LYST: variants seen among roughly 807,000 people sequenced by gnomAD.
LYST encodes lysosomal-trafficking regulator.
In LYST, 192 loss-of-function variants were observed where a neutral mutation model predicts 413.6. The ratio of observed to expected loss-of-function variants is 0.46; its 90% CI spans 0.41 to 0.52. The LOEUF (loss-of-function observed/expected upper bound fraction) is 0.52, where lower values mean the gene tolerates loss of function less well. Ranked by LOEUF, LYST falls within the 20% of genes least tolerant of loss-of-function variation. LYST has a pLI of 0.00. For synonymous variants in LYST, 1,525 were observed against 1,567.3 expected (o/e 0.97, Z 0.64); for missense variants, 3,815 against 4,499.9 (o/e 0.85, Z 4.35).
intron 28 of LYST, among the ~76,000 whole-genome samples, chr1:235,747,853 T>C (rs1428453161): frequency 6.6e-6 from 1 of 152,196 alleles, no homozygotes; most frequent in African/African-American, 2.4e-5. Flanking sequence ...ATGCATAAGA[T>C]GTGGATTAGA....
At chr1:235,761,980 G>A (rs954346537) in intron 22 of LYST, among the ~76,000 whole-genome samples, 1 of 123,652 alleles carries the variant, frequency 8.1e-6, no homozygotes, top group Admixed American at 9.3e-5. Context: ...TTGTCGGGTG[G>A]GGGGAGGGGG....
At chr1:235,688,867 C>T (rs961927761) in intron 47 of LYST, among the ~76,000 whole-genome samples, 5 of 151,880 alleles carry the variant, frequency 3.3e-5, no homozygotes, top group African/African-American at 4.8e-5. Flanking sequence ...CACCTGTAGT[C>T]CCAGGTACTA....
intron 8 of LYST, among the ~76,000 whole-genome samples, chr1:235,801,971 G>A (rs1165511836): frequency 6.6e-6 from 1 of 151,986 alleles, no homozygotes; most frequent in African/African-American, 2.4e-5. Context: ...CGAGGCGGGT[G>A]GATCACGAAG....
intron 3 of LYST, chr1:235,829,827 C>T: frequency 5.7e-6 from 1 of 175,302 alleles, no homozygotes; most frequent in East Asian, 1.6e-4. Context: ...GCTTTCACTC[C>T]AGAATTAGCA....
intron 10 of LYST, among the ~76,000 whole-genome samples, chr1:235,795,846 T>C (rs980738565): frequency 1.3e-5 from 2 of 151,868 alleles, no homozygotes; most frequent in Non-Finnish European, 2.9e-5. Flanking sequence ...CAGACAAAAC[T>C]GACCCCAGAG....
chr1:235,827,340 G>A, intron 3 of LYST: 1 of 698,236 alleles, frequency 1.4e-6, no homozygotes, highest in African/African-American at 1.9e-5. Context: ...CTGCAGTCCA[G>A]CCTGGGTGAA....
chr1:235,680,180 G>A (rs1174172266), intron 48 of LYST, among the ~76,000 whole-genome samples: 1 of 152,006 alleles, frequency 6.6e-6, no homozygotes, highest in Non-Finnish European at 1.5e-5. Flanking sequence ...TCGTTTCAGG[G>A]GAGGATTATT....
intron 12 of LYST, among the ~76,000 whole-genome samples, chr1:235,789,361 A>G (rs1670763557): frequency 1.3e-5 from 2 of 152,190 alleles, no homozygotes; most frequent in Admixed American, 1.3e-4. Context: ...TTTGCATATA[A>G]TTGCTAAGTG....
chr1:235,806,454 A>G lies in LYST; in HGVS notation c.2682T>C (p.His894=). The stretch of plus-strand genomic sequence containing the variant: ...AGAGGAATAGGTTTATTGTGTTGAT[A>G]TGAACATCTTGGTTAACAGTCTTCC... ...KRRKTVNQDV[H]INTINLFLCV... is the part of the protein sequence containing the mutation. The change falls in exon 6 of 53, where the codon CAT becomes CAC. Residue 894 remains histidine (H), a synonymous_variant. Transcript: ENST00000389793. 1 of 1,614,114 alleles carries G rather than the reference A, an allele frequency of 6.2e-7. No homozygotes were observed.
At chr1:235,766,340 AT>A in intron 20 of LYST, 63 bp from the exon 21 acceptor site, 1 of 1,209,468 alleles carries the variant, frequency 8.3e-7, no homozygotes. Flanking sequence ...AAGATTTTTC[AT>A]TTAGGCAAAA....
At chr1:235,874,790 T>A (rs1201813820) in intron 1 of LYST, among the ~76,000 whole-genome samples, 1 of 152,216 alleles carries the variant, frequency 6.6e-6, no homozygotes, top group Admixed American at 6.5e-5. Flanking sequence ...GATTGGTCCC[T>A]GAAAGGGTTT....
intron 28 of LYST, among the ~76,000 whole-genome samples, chr1:235,748,535 A>G (rs561370663): frequency 6.6e-6 from 1 of 152,324 alleles, no homozygotes; most frequent in South Asian, 2.1e-4. Flanking sequence ...AAATCAATTT[A>G]TAAACAGTAG....
intron 50 of LYST, among the ~76,000 whole-genome samples, chr1:235,673,980 G>C (rs1659174953): frequency 6.6e-6 from 1 of 152,108 alleles, no homozygotes; most frequent in African/African-American, 2.4e-5. Context: ...CTTTCCACTT[G>C]GATGGTCCTC....
chr1:235,873,941 C>T (rs908276870), intron 1 of LYST, among the ~76,000 whole-genome samples: 1 of 152,178 alleles, frequency 6.6e-6, no homozygotes, highest in African/African-American at 2.4e-5. Context: ...CTCGCTAAAA[C>T]TCATGGTCTC....
Position 235,759,486 on chromosome 1 carries a change from C to G in LYST, c.6367G>C (p.Gly2123Arg), listed in dbSNP as rs963028068. The change falls in exon 23 of 53, where the codon GGA (glycine) becomes CGA (arginine). Residue 2123 changes from glycine (G) to arginine (R), a missense_variant. By Grantham distance (125) the Gly-to-Arg change is moderately radical. This residue lies in a region of LYST where 530 missense variants were observed against 696.5 expected (regional missense o/e 0.76). Coordinates refer to ENST00000389793, the MANE Select transcript of LYST (RefSeq NM_000081.4). ...CTGTCGATACTACAACCCAAACTTCCAGTCAGTTTTTGTGATTGCGTTAGT... is the reference window on the plus strand; with the variant it reads ...CTGTCGATACTACAACCCAAACTTCGAGTCAGTTTTTGTGATTGCGTTAGT... Reference protein sequence around the residue: ...SLLTQSQKLTGSLGCSIDRLQ... With the variant: ...SLLTQSQKLTRSLGCSIDRLQ... The G allele has an allele frequency of 4.3e-6, 7 of 1,613,928 alleles. No individual in the cohort carries two copies. The African/African-American group carries it at 9.3e-5, about 22-fold the overall frequency.
intron 22 of LYST, 63 bp from the exon 23 acceptor site, chr1:235,759,662 G>C: frequency 7.9e-7 from 1 of 1,261,098 alleles, no homozygotes; most frequent in South Asian, 1.2e-5. Flanking sequence ...CCTCTCTTTT[G>C]CATTATAAAT....
At chr1:235,780,542 A>T (rs1038901369) in intron 16 of LYST, among the ~76,000 whole-genome samples, 1 of 152,134 alleles carries the variant, frequency 6.6e-6, no homozygotes, top group East Asian at 1.9e-4. Context: ...TTTTAGGAGT[A>T]TGTCAAACTA....
At chr1:235,667,653 C>A (rs1658599453) in intron 50 of LYST, among the ~76,000 whole-genome samples, 1 of 151,944 alleles carries the variant, frequency 6.6e-6, no homozygotes, top group South Asian at 2.1e-4. Flanking sequence ...AACCTCTGCA[C>A]ATCCTCCTGT....
In LYST at chr1:235,755,565, T is replaced by C; in HGVS notation, c.7142A>G (p.Asn2381Ser). 1 of 1,613,458 alleles carries C rather than the reference T, an allele frequency of 6.2e-7. No individual in the cohort carries two copies. The highest frequency in any genetic ancestry group is 8.5e-7 in the Non-Finnish European group (1 of 1,179,384). The part of the protein sequence containing the change: ...LKNRGFSLLA[N>S]QLYLHRGTQE... Reference sequence around the variant, plus strand: ...AGTTCCTCGATGAAGATACAACTGGTTGGCTAGCAAGGAAAATCCACGATT... The same window carrying C: ...AGTTCCTCGATGAAGATACAACTGGCTGGCTAGCAAGGAAAATCCACGATT... Residue 2381 changes from asparagine to serine, a missense_variant, in exon 25 of 53, where the codon AAC (asparagine) becomes AGC (serine). This residue lies in a region of LYST where 771 missense variants were observed against 837.1 expected (regional missense o/e 0.92). Coordinates refer to ENST00000389793, the MANE Select transcript of LYST (RefSeq NM_000081.4).
Sources: allele counts gnomAD v4.1 joint callset (sites outside exome capture counted in the v4.1 genomes callset), GRCh38; gene constraint gnomAD v4.1.1; regional missense constraint gnomAD v4.1.1; transcripts MANE v1.5; gene names NCBI Gene and HGNC (gene_info 2026-07-23, HGNC 2026-07-21).